Variants in LRRC37A2 observed in about 807,000 individuals in gnomAD.
LRRC37A2 encodes leucine rich repeat containing 37 member A2.
LRRC37A2 carries 9 observed loss-of-function variants against 68.8 expected under a neutral mutation model. The observed-to-expected ratio is 0.13, with a 90% CI of 0.08 to 0.23. The LOEUF (loss-of-function observed/expected upper bound fraction) is 0.23. Among genes scored for constraint, LRRC37A2 ranks in the 10% least tolerant of loss-of-function variants. The probability of loss-of-function intolerance (pLI) is 1.00; values close to 1 mark genes in which losing one functional copy is unlikely to be tolerated. For missense variants in LRRC37A2, 168 were observed against 950.4 expected, an observed-to-expected ratio of 0.18 and a Z score of 10.82; for synonymous variants, 63 against 367.6, an observed-to-expected ratio of 0.17 and a Z score of 9.48.
At chr17:46,440,216 G>A in the LRRC37A2 span, among the ~76,000 whole-genome samples, 44 of 34,820 alleles carry the variant, frequency 1.3e-3, no homozygotes, top group African/African-American at 3.7e-3. Flanking sequence ...ACTTGGCTTA[G>A]CATAGTTCTT....
At chr17:46,568,514 A>T in the LRRC37A2 span, among the ~76,000 whole-genome samples, 12 of 109,052 alleles carry the variant, frequency 1.1e-4, 1 homozygote, top group East Asian at 6.4e-4. Flanking sequence ...AAAAAAAAAG[A>T]GGGGGGGAGG....
At chr17:46,940,657 A>G in the LRRC37A2 span, 1 of 1,613,142 alleles carries the variant, frequency 6.2e-7, no homozygotes. Flanking sequence ...CCCCGCACCC[A>G]TCATGCGTGG....
chr17:46,710,149 G>A, the LRRC37A2 span, among the ~76,000 whole-genome samples: 62 of 152,304 alleles, frequency 4.1e-4, no homozygotes, highest in African/African-American at 1.5e-3. Flanking sequence ...AAATTCTCAA[G>A]ATACATGATC....
chr17:46,981,011 TG>T, the LRRC37A2 span, among the ~76,000 whole-genome samples: 1 of 151,560 alleles, frequency 6.6e-6, no homozygotes, highest in Admixed American at 6.6e-5. Context: ...CGAAGGGGGG[TG>T]GGGGCAGGGG....
the LRRC37A2 span, among the ~76,000 whole-genome samples, chr17:46,777,874 T>C: frequency 6.6e-6 from 1 of 152,322 alleles, no homozygotes; most frequent in East Asian, 1.9e-4. Flanking sequence ...ATGAGCTGTT[T>C]TCCCTCTTTC....
chr17:46,979,172 C>A, the LRRC37A2 span: 7 of 700,486 alleles, frequency 1.0e-5, no homozygotes, highest in Admixed American at 4.4e-5. Context: ...GGGCCGCCTA[C>A]CCCTGGGCAC....
At chr17:46,960,515 T>G in the LRRC37A2 span, among the ~76,000 whole-genome samples, 2 of 152,172 alleles carry the variant, frequency 1.3e-5, no homozygotes, top group Non-Finnish European at 2.9e-5. Flanking sequence ...TTTACCCAAG[T>G]GAAAGGAAAA....
the LRRC37A2 span, chr17:47,019,506 A>G: frequency 6.5e-7 from 1 of 1,548,354 alleles, no homozygotes; most frequent in Non-Finnish European, 8.9e-7. Flanking sequence ...CCTGGAGAAG[A>G]CTACAGCTCC....
At chr17:46,767,188 G>A in the LRRC37A2 span, among the ~76,000 whole-genome samples, 1 of 152,152 alleles carries the variant, frequency 6.6e-6, no homozygotes, top group African/African-American at 2.4e-5. Flanking sequence ...CCCAGGGCCA[G>A]TGCATAGCGC....
In LRRC37A2 at chr17:46,516,075, C is replaced by T. The variant is rs1382449080; in HGVS notation, c.2609+754C>T. Among the ~76,000 whole-genome samples, 263 of 140,468 alleles carry T rather than the reference C, an allele frequency of 1.9e-3. 4 individuals carry two copies. The highest frequency in any genetic ancestry group is 6.8e-3 in the African/African-American group (241 of 35,608). 92.2% of individuals were successfully genotyped at this position (140,468 alleles called of 152,430 possible). ...CAGCACTTTGGGAGGCCGAGGCGGGCGGATCATGAGGTCAGGAGATCAAGA... is the reference window on the plus strand; with the variant it reads ...CAGCACTTTGGGAGGCCGAGGCGGGTGGATCATGAGGTCAGGAGATCAAGA... On this transcript the variant is annotated intron_variant, in intron 2 of 14. Coordinates refer to ENST00000576629, the Ensembl canonical transcript of LRRC37A2.
chr17:46,635,777 A>ATGTGTGTGTGTGTGTGTGTGTGTGTGTG, the LRRC37A2 span, among the ~76,000 whole-genome samples: 3 of 116,704 alleles, frequency 2.6e-5, no homozygotes, highest in East Asian at 2.0e-4. Context: ...GGGAAAATAA[A>ATGTGTGTGTGTGTGTGTGTGTGTGTGTG]TGTGTGTGTG....
chr17:46,957,644 C>G, the LRRC37A2 span, among the ~76,000 whole-genome samples: 1 of 152,054 alleles, frequency 6.6e-6, no homozygotes, highest in African/African-American at 2.4e-5. Flanking sequence ...AAACAAAACC[C>G]AGACAGCAGG....
intron 6 of LRRC37A2, among the ~76,000 whole-genome samples, chr17:46,529,128 C>G (rs1459771643): frequency 1.5e-5 from 2 of 134,986 alleles, no homozygotes; most frequent in African/African-American, 5.5e-5. Context: ...CCTTTCATCT[C>G]TCTCTCCTCA....
chr17:46,385,095 AATTATCAC>A, the LRRC37A2 span, among the ~76,000 whole-genome samples: 2 of 96,098 alleles, frequency 2.1e-5, no homozygotes, highest in African/African-American at 7.4e-5. Flanking sequence ...TGAAACTACC[AATTATCAC>A]TAATTCTGAG....
the LRRC37A2 span, among the ~76,000 whole-genome samples, chr17:46,788,176 C>T: frequency 4.5e-3 from 688 of 152,310 alleles, 5 homozygotes; most frequent in African/African-American, 0.016. Flanking sequence ...AGCTTTTCCT[C>T]CTGGAGCTTG....
At chr17:46,966,439 C>A in the LRRC37A2 span, 1 of 602,268 alleles carries the variant, frequency 1.7e-6, no homozygotes, top group East Asian at 3.0e-5. Context: ...CCTTGACCTG[C>A]TGGGCTTAAG....
At chr17:46,818,383 T>G in the LRRC37A2 span, 7 of 669,942 alleles carry the variant, frequency 1.0e-5, no homozygotes, top group African/African-American at 2.3e-4. Flanking sequence ...CCAGGAGGGG[T>G]GGGCGGGTGG....
the LRRC37A2 span, among the ~76,000 whole-genome samples, chr17:46,708,824 T>TG: frequency 3.4e-5 from 2 of 58,536 alleles, no homozygotes; most frequent in African/African-American, 1.3e-4. Flanking sequence ...ATATATATAT[T>TG]TTTTTTTTTT....
the LRRC37A2 span, chr17:46,966,405 C>CT: frequency 1.8e-6 from 1 of 565,994 alleles, no homozygotes; most frequent in Non-Finnish European, 3.2e-6. Flanking sequence ...ATACCTGGTC[C>CT]TTGTGACTTA....
Sources: allele counts gnomAD v4.1 joint callset (sites outside exome capture counted in the v4.1 genomes callset), GRCh38; gene constraint gnomAD v4.1.1; transcripts MANE v1.5; gene names NCBI Gene and HGNC (gene_info 2026-07-23, HGNC 2026-07-21).